GPR39: variants seen among roughly 807,000 people sequenced by gnomAD.
GPR39 encodes zinc sensing receptor.
In GPR39, 23 loss-of-function variants were observed where a neutral mutation model predicts 18.4. The ratio of observed to expected loss-of-function variants is 1.25; its 90% confidence interval spans 0.90 to 1.77. GPR39 has a LOEUF of 1.77. Ranked by LOEUF, GPR39 falls within the 40% of genes most tolerant of loss-of-function variation. The pLI is 0.00. For synonymous variants in GPR39, 280 were observed against 257.9 expected (o/e 1.09, Z -0.82); for missense variants, 647 against 602.4 (o/e 1.07, Z -0.78).
rs797001935 is a variant in GPR39, at chr2:132,475,617, G to A, written c.856+57719G>A. Among the ~76,000 whole-genome samples the A allele has an allele frequency of 5.3e-5, 8 of 151,982 alleles. No homozygotes were observed. In the South Asian group the frequency reaches 1.0e-3, roughly 20 times the overall value. ...TCGTAGTCCCACCCTTACTCGTTAG[G>A]GCTCTGATTGTGACATACGAGACAG... On this transcript the variant is annotated intron_variant, in intron 1 of 1. Coordinates refer to ENST00000329321, the MANE Select transcript of GPR39 (RefSeq NM_001508.3).
In GPR39 at chr2:132,438,619, GA is replaced by G. The variant is rs542618654; in HGVS notation, c.856+20730del. On this transcript the variant is annotated intron_variant, in intron 1 of 1. Coordinates refer to ENST00000329321, the MANE Select transcript of GPR39 (RefSeq NM_001508.3). Reference sequence around the variant, plus strand: ...TTTTTACATTTTTTTGAGTGTTGTAGAAAAAAAAATATGCGACAGTACTATG... The same window carrying G: ...TTTTTACATTTTTTTGAGTGTTGTAGAAAAAAAATATGCGACAGTACTATG... Among the ~76,000 whole-genome samples the G allele has an allele frequency of 5.0e-3, 536 of 106,626 alleles. 2 individuals carry two copies. Among genetic ancestry groups the G allele is most frequent in the African/African-American group, 0.018 (502 of 27,676 alleles). The allele number at this position is 106,626 out of a possible 152,430, so 70.0% of individuals were successfully genotyped here. A position where few individuals can be genotyped will look rare whatever the true frequency, so the allele number is the denominator to read the frequency against.
Position 132,572,399 on chromosome 2 carries a change from C to T in GPR39, c.857-72702C>T, listed in dbSNP as rs72983666. Among the ~76,000 whole-genome samples, 1,313 of 152,228 alleles carry T rather than the reference C, an allele frequency of 8.6e-3. 25 individuals are homozygous for T. Among genetic ancestry groups the T allele is most frequent in the African/African-American group, 0.03 (1,233 of 41,530 alleles). On this transcript the variant is annotated intron_variant, in intron 1 of 1. Transcript: ENST00000329321. Reference sequence around the variant, plus strand: ...AGTGCATCTGAGCAGAGCATCCCCACGAGCTTGATGGGCTCCTCCTTTGTT... The same window carrying T: ...AGTGCATCTGAGCAGAGCATCCCCATGAGCTTGATGGGCTCCTCCTTTGTT...
At position 132,417,546 on chromosome 2, in the gene GPR39, G is replaced by A; in HGVS notation, c.504G>A (p.Leu168=). ...GGGTCACCTCCGCCCTGGTGGCACT[G>A]CCCTTGCTGTTTGCCATGGGTACTG... ...FVWVTSALVA[L]PLLFAMGTEY... The change falls in exon 1 of 2, where the codon CTG becomes CTA. Residue 168 remains leucine, a synonymous_variant. Coordinates refer to ENST00000329321, the MANE Select transcript of GPR39 (RefSeq NM_001508.3). 5 of 1,614,162 alleles carry A rather than the reference G, an allele frequency of 3.1e-6. No individual in the cohort carries two copies. The highest frequency in any genetic ancestry group is 3.4e-6 in the Non-Finnish European group (4 of 1,180,030).
chr2:132,532,957 A>C (rs1679669652), intron 1 of GPR39, among the ~76,000 whole-genome samples: 2 of 152,150 alleles, frequency 1.3e-5, no homozygotes, highest in African/African-American at 4.8e-5. Flanking sequence ...GCCCTCTCTC[A>C]CCACTCCTAT....
At chr2:132,592,463 G>A (rs1242719186) in intron 1 of GPR39, among the ~76,000 whole-genome samples, 1 of 152,132 alleles carries the variant, frequency 6.6e-6, no homozygotes, top group African/African-American at 2.4e-5. Context: ...AGGAAATGAG[G>A]TCAGGGAAAA....
intron 1 of GPR39, among the ~76,000 whole-genome samples, chr2:132,474,032 A>C (rs1049853276): frequency 6.6e-6 from 1 of 152,144 alleles, no homozygotes; most frequent in African/African-American, 2.4e-5. Flanking sequence ...GGCACATGTG[A>C]CTCAGGCTAA....
At chr2:132,556,374 A>G (rs1680152434) in intron 1 of GPR39, among the ~76,000 whole-genome samples, 1 of 152,212 alleles carries the variant, frequency 6.6e-6, no homozygotes, top group South Asian at 2.1e-4. Context: ...CACCATGGCC[A>G]ATTACCAATA....
chr2:132,461,210 A>G (rs751085062), intron 1 of GPR39, among the ~76,000 whole-genome samples: 27 of 152,330 alleles, frequency 1.8e-4, no homozygotes, highest in Admixed American at 3.9e-4. Flanking sequence ...TCCTTGTGTT[A>G]CAAAAGTCAC....
chr2:132,443,348 A>G (rs1473035693), intron 1 of GPR39, among the ~76,000 whole-genome samples: 2 of 152,230 alleles, frequency 1.3e-5, no homozygotes, highest in African/African-American at 2.4e-5. Context: ...GTGACTTATG[A>G]TATTTTGATG....
At chr2:132,593,978 C>T (rs1338988500) in intron 1 of GPR39, among the ~76,000 whole-genome samples, 1 of 152,124 alleles carries the variant, frequency 6.6e-6, no homozygotes, top group Non-Finnish European at 1.5e-5. Flanking sequence ...GATATTTTGT[C>T]CAGGTCACTT....
intron 1 of GPR39, among the ~76,000 whole-genome samples, chr2:132,538,325 C>T (rs1299024630): frequency 6.6e-6 from 1 of 152,200 alleles, no homozygotes; most frequent in African/African-American, 2.4e-5. Context: ...AGATCTGCTT[C>T]AGTTTGCTGG....
At chr2:132,451,211 A>G (rs960840468) in intron 1 of GPR39, among the ~76,000 whole-genome samples, 2 of 151,120 alleles carry the variant, frequency 1.3e-5, no homozygotes. Flanking sequence ...TGATAGTCAC[A>G]AGGGTCACCC....
rs567452113 is a variant in GPR39 at position 132,472,986 on chromosome 2, C to T, written c.856+55088C>T. On this transcript the variant is annotated intron_variant, in intron 1 of 1. Transcript: ENST00000329321. Reference sequence around the variant, plus strand: ...GCATCCTTATCCACCGTGAACCCCCCTGCACCACCAGATTTGCTGCAACAT... The same window carrying T: ...GCATCCTTATCCACCGTGAACCCCCTTGCACCACCAGATTTGCTGCAACAT... Among the ~76,000 whole-genome samples, 4 of 152,070 alleles carry T rather than the reference C, an allele frequency of 2.6e-5. No individual in the cohort carries two copies. In the East Asian group the frequency reaches 7.7e-4, roughly 29 times the overall value.
At chr2:132,543,117 G>A (rs1215504842) in intron 1 of GPR39, among the ~76,000 whole-genome samples, 1 of 152,160 alleles carries the variant, frequency 6.6e-6, no homozygotes, top group Non-Finnish European at 1.5e-5. Flanking sequence ...GAAGAATTAG[G>A]CAAGTGGACA....
chr2:132,492,813 A>C (rs1681517683), intron 1 of GPR39, among the ~76,000 whole-genome samples: 1 of 142,330 alleles, frequency 7.0e-6, no homozygotes, highest in East Asian at 2.1e-4. Context: ...ATATATATAC[A>C]TACCATATAT....
At chr2:132,446,123 T>A (rs1261136338) in intron 1 of GPR39, among the ~76,000 whole-genome samples, 2 of 152,166 alleles carry the variant, frequency 1.3e-5, no homozygotes, top group South Asian at 2.1e-4. Context: ...AAATTACATT[T>A]AAAAAATTCT....
intron 1 of GPR39, among the ~76,000 whole-genome samples, chr2:132,532,888 C>T (rs550097049): frequency 6.6e-6 from 1 of 152,182 alleles, no homozygotes; most frequent in Non-Finnish European, 1.5e-5. Context: ...CAGCCAATGT[C>T]ATATTGAATG....
intron 1 of GPR39, among the ~76,000 whole-genome samples, chr2:132,546,456 A>G (rs561869472): frequency 1.3e-5 from 2 of 152,302 alleles, no homozygotes; most frequent in South Asian, 4.1e-4. Flanking sequence ...GGGTTGGGTT[A>G]AGACTAATCC....
chr2:132,439,572 G>C (rs1680397365), intron 1 of GPR39, among the ~76,000 whole-genome samples: 1 of 152,078 alleles, frequency 6.6e-6, no homozygotes, highest in Non-Finnish European at 1.5e-5. Context: ...AGAGTTGAAG[G>C]AGTACCCTGA....
Sources: allele counts gnomAD v4.1 joint callset (sites outside exome capture counted in the v4.1 genomes callset), GRCh38; gene constraint gnomAD v4.1.1; transcripts MANE v1.5; gene names NCBI Gene and HGNC (gene_info 2026-07-23, HGNC 2026-07-21).